The following COL17A1 variants were observed in gnomAD, a reference collection of about 807,000 sequenced individuals.
COL17A1 encodes collagen type XVII alpha 1 chain.
In COL17A1, 181 loss-of-function variants were observed where a neutral mutation model predicts 218.4. The ratio of observed to expected loss-of-function variants is 0.83; its 90% CI spans 0.73 to 0.94. COL17A1 has a LOEUF of 0.94. COL17A1 is among the 40% of genes least tolerant of loss of function. The pLI is 0.00. For missense variants in COL17A1, 1,924 were observed against 1,945.9 expected (o/e 0.99, Z 0.21); for synonymous variants, 721 against 731.0 (o/e 0.99, Z 0.22).
chr10:104,060,152 C>T lies in COL17A1; in HGVS notation c.1108G>A (p.Val370Ile), dbSNP rs1412183995. 1.9e-6 allele frequency: 3 copies of T among 1,614,142 alleles called. No homozygotes were observed. Among genetic ancestry groups the T allele is most frequent in the East Asian group, 2.2e-5 (1 of 44,882 alleles). ...LLIMTKDSGK[V>I]FTASPASIAA... ...ATGCTGGCAGGGGAGGCTGTAAAGA[C>T]CTTCCCGCTGTCCTTGGTCATGATG... Residue 370 changes from valine (V) to isoleucine (I), a missense_variant, in exon 14 of 56, where the codon GTC becomes ATC. Coordinates refer to ENST00000648076, the MANE Select transcript of COL17A1 (RefSeq NM_000494.4).
At position 104,032,151 on chromosome 10, in the gene COL17A1, C is replaced by T. The variant is rs1844692662; in HGVS notation, c.*84G>A. ...GTCTCAGTAGGACATTGACAGACTC[C>T]AGCTTTCACCCTCTGGAGACCTTGG... On this transcript the variant is annotated 3_prime_UTR_variant, in exon 56 of 56. Transcript: ENST00000648076. The T allele has an allele frequency of 2.7e-6, 3 of 1,100,584 alleles. No individual in the cohort carries two copies. The highest frequency in any genetic ancestry group is 4.8e-5 in the East Asian group (2 of 42,090). 68.2% of individuals were successfully genotyped at this position (1,100,584 alleles called of 1,614,324 possible).
chr10:104,084,408 C>T (rs2086789699), intron 1 of COL17A1, among the ~76,000 whole-genome samples: 1 of 151,502 alleles, frequency 6.6e-6, no homozygotes, highest in South Asian at 2.1e-4. Flanking sequence ...CTCCTGGGTT[C>T]AAGCAATTCT....
rs578017783 is a variant in COL17A1 at position 104,062,479 on chromosome 10, G to A, written c.839-150C>T. ...CCTCGGTTCCCACACTCTTTGTAAC[G>A]TAGTAAATTTGTTAATACCCCCACC... On this transcript the variant is annotated intron_variant, in intron 11 of 55. Coordinates refer to ENST00000648076, the MANE Select transcript of COL17A1 (RefSeq NM_000494.4). The A allele has an allele frequency of 1.4e-4, 147 of 1,079,746 alleles. No individual in the cohort carries two copies. The African/African-American group carries it at 1.9e-3, about 14-fold the overall frequency. The allele number at this position is 1,079,746 out of a possible 1,614,324, so 66.9% of individuals were successfully genotyped here. A position where few individuals can be genotyped will look rare whatever the true frequency, so the allele number is the denominator to read the frequency against.
Position 104,045,807 on chromosome 10 carries a change from A to G in COL17A1, c.2363-14T>C, listed in dbSNP as rs1412344872. 1.2e-6 allele frequency: 2 copies of G among 1,610,156 alleles called. No homozygotes were observed. Among genetic ancestry groups the G allele is most frequent in the Non-Finnish European group, 1.7e-6 (2 of 1,176,250 alleles). On this transcript the variant is annotated splice_polypyrimidine_tract_variant and intron_variant, in intron 32 of 55. Coordinates refer to ENST00000648076, the MANE Select transcript of COL17A1 (RefSeq NM_000494.4). ...TACCGGGAAGTCCTGATGTGATTAG[A>G]ACAAGTAGTCAGGACGATGAAGGCC...
chr10:104,038,906 G>A lies in COL17A1; in HGVS notation c.2947+165C>T, dbSNP rs73329712. Among the ~76,000 whole-genome samples the A allele has an allele frequency of 2.2e-3, 341 of 152,168 alleles. 1 individual carries two copies. The highest frequency in any genetic ancestry group is 7.3e-3 in the African/African-American group (302 of 41,492). ...GTCCTTCCCCTCAACCCAATAACTC[G>A]TAACCTCCTTAAAGGCAGCTCATAG... On this transcript the variant is annotated intron_variant, in intron 44 of 55. Transcript: ENST00000648076.
intron 27 of COL17A1, 78 bp from the exon 28 acceptor site, chr10:104,050,202 C>T (rs2086455052): frequency 1.6e-5 from 26 of 1,595,872 alleles, no homozygotes; most frequent in South Asian, 9.0e-5. Flanking sequence ...ACAGGGTCCC[C>T]GGCTGCAGGG....
At chr10:104,041,671 G>C (rs921378079) in intron 36 of COL17A1, 133 bp from the exon 37 acceptor site, 4 of 746,082 alleles carry the variant, frequency 5.4e-6, no homozygotes, top group Admixed American at 2.3e-5. Flanking sequence ...CAGGCCCTGT[G>C]TCATGGCACA....
intron 31 of COL17A1, among the ~76,000 whole-genome samples, chr10:104,047,361 A>G (rs111524299): frequency 4.5e-4 from 68 of 152,160 alleles, no homozygotes; most frequent in African/African-American, 1.6e-3. Context: ...GAGGAGCAAG[A>G]TAGCGAGGTG....
intron 7 of COL17A1, among the ~76,000 whole-genome samples, 195 bp downstream of exon 7, chr10:104,073,015 G>A (rs924580988): frequency 6.6e-6 from 1 of 152,098 alleles, no homozygotes; most frequent in African/African-American, 2.4e-5. Context: ...TTAGATTACT[G>A]TCAAAAGCTA....
At chr10:104,061,338 A>G (rs1267399010) in intron 13 of COL17A1, 67 bp downstream of exon 13, 2 of 1,455,234 alleles carry the variant, frequency 1.4e-6, no homozygotes, top group Non-Finnish European at 1.9e-6. Context: ...ATACACAGGC[A>G]GGATTACTGC....
intron 19 of COL17A1, 103 bp from the exon 20 acceptor site, chr10:104,055,110 C>T (rs1271032220): frequency 3.2e-6 from 5 of 1,577,058 alleles, no homozygotes; most frequent in African/African-American, 1.4e-5. Context: ...AACTGTATTT[C>T]AAGGTGAGGC....
At chr10:104,033,589 C>T (rs770860945) in intron 52 of COL17A1, among the ~76,000 whole-genome samples, 9 of 152,222 alleles carry the variant, frequency 5.9e-5, no homozygotes, top group Non-Finnish European at 5.9e-5. Context: ...TTGTTGACTG[C>T]GTAACTGTGC....
chr10:104,065,663 A>G (rs2086620340), intron 9 of COL17A1, among the ~76,000 whole-genome samples: 1 of 152,254 alleles, frequency 6.6e-6, no homozygotes, highest in South Asian at 2.1e-4. Context: ...TCTGGCCAAC[A>G]TACTGTCCTG....
Position 104,057,087 on chromosome 10 carries a change from T to C in COL17A1, c.1353A>G (p.Pro451=), listed in dbSNP as rs749697452. ...AGCCGCAGGGGCACCAGGCTGGCGC[T>C]GGTCCCCAAGGGCCGCCGCCAGCGC... ...VGGAGGGPWG[P]APAWCPCGSC... The change falls in exon 17 of 56, where the codon CCA becomes CCG. Residue 451 remains proline, a synonymous_variant. Coordinates refer to ENST00000648076, the MANE Select transcript of COL17A1 (RefSeq NM_000494.4). 5 of 1,612,374 alleles carry C rather than the reference T, an allele frequency of 3.1e-6. No homozygotes were observed. In the South Asian group the frequency reaches 4.4e-5, roughly 14 times the overall value.
chr10:104,048,281 C>G (rs1004435325), intron 29 of COL17A1, 177 bp from the exon 30 acceptor site: 1 of 769,564 alleles, frequency 1.3e-6, no homozygotes, highest in Non-Finnish European at 2.4e-6. Context: ...TGCCCCTTCT[C>G]CTAAACCAGC....
At chr10:104,042,383 G>T in intron 36 of COL17A1, 37 bp downstream of exon 36, 1 of 1,612,416 alleles carries the variant, frequency 6.2e-7, no homozygotes, top group Non-Finnish European at 8.5e-7. Context: ...CTCCCGACTG[G>T]GCCCATCGCT....
intron 32 of COL17A1, among the ~76,000 whole-genome samples, chr10:104,046,086 G>A (rs967296424): frequency 1.3e-4 from 20 of 152,218 alleles, no homozygotes; most frequent in African/African-American, 4.6e-4. Context: ...GGAGCCTGCA[G>A]AGCAGCCTCT....
chr10:104,061,304 C>A, intron 13 of COL17A1, 101 bp downstream of exon 13: 1 of 1,210,220 alleles, frequency 8.3e-7, no homozygotes, highest in Non-Finnish European at 1.2e-6. Context: ...TTTCCTCTTC[C>A]AGTATACCAT....
Position 104,063,794 on chromosome 10 carries a change from G to A in COL17A1, c.791C>T (p.Ala264Val), listed in dbSNP as rs531924876. Reference sequence around the variant, plus strand: ...AGGGTGCAAAGTGGGTGAGCAGGACGCCATGTTGTTTGGAACTCCGAAGAC... The same window carrying A: ...AGGGTGCAAAGTGGGTGAGCAGGACACCATGTTGTTTGGAACTCCGAAGAC... ...GSVFGVPNNM[A>V]SCSPTLHPGL... The change falls in exon 11 of 56, where the codon GCG becomes GTG. Residue 264 changes from alanine (A) to valine (V), a missense_variant. Physicochemically the swap from Ala to Val is moderately conservative, Grantham distance 64 (BLOSUM62 0). Coordinates refer to ENST00000648076, the MANE Select transcript of COL17A1 (RefSeq NM_000494.4). The A allele has an allele frequency of 1.7e-5, 27 of 1,614,202 alleles. No individual in the cohort carries two copies. Among genetic ancestry groups the A allele is most frequent in the Admixed American group, 5.0e-5 (3 of 60,030 alleles).
Sources: gnomAD v4.1 joint callset for allele counts (sites outside exome capture counted in the v4.1 genomes callset) on GRCh38, gnomAD v4.1.1 for gene constraint, MANE v1.5 for transcripts, NCBI Gene and HGNC (gene_info 2026-07-23, HGNC 2026-07-21) for gene names.